PDILT: variants seen among roughly 807,000 people sequenced by gnomAD.
PDILT encodes protein disulfide-isomerase-like protein of the testis.
A neutral mutation model predicts 53.7 loss-of-function variants in PDILT; 43 were observed. That is an observed-to-expected ratio of 0.80 (90% CI 0.63 to 1.03). The LOEUF is 1.03. Among genes scored for constraint, PDILT ranks in the 50% least tolerant of loss-of-function variants. The pLI is 0.00. For synonymous variants in PDILT, 282 were observed against 274.2 expected (o/e 1.03, Z -0.28); for missense variants, 727 against 712.3 (o/e 1.02, Z -0.24).
chr16:20,384,993 G>A (rs1596592401), intron 2 of PDILT, 142 bp from the exon 3 acceptor site: 1 of 763,282 alleles, frequency 1.3e-6, no homozygotes, highest in Non-Finnish European at 2.2e-6. Context: ...AATGTGACAA[G>A]ATGTGAGACA....
chr16:20,374,709 G>T, intron 5 of PDILT, 113 bp downstream of exon 5: 1 of 1,238,796 alleles, frequency 8.1e-7, no homozygotes, highest in African/African-American at 1.5e-5. Context: ...AAGTCAACTA[G>T]TCCAATGCCA....
In PDILT at chr16:20,396,953, A is replaced by G. The variant is rs79215420; in HGVS notation, c.202+2146T>C. Among the ~76,000 whole-genome samples the G allele has an allele frequency of 9.2e-3, 1,408 of 152,302 alleles. 21 individuals carry two copies. Among genetic ancestry groups the G allele is most frequent in the African/African-American group, 0.032 (1,323 of 41,562 alleles). The stretch of plus-strand genomic sequence containing the variant: ...ATCTGAGCCCACTTTCATCACCACA[A>G]CAACCTGCAAGGGAGGAATTATTAA... On this transcript the variant is annotated intron_variant, in intron 2 of 11. Transcript: ENST00000302451.
At chr16:20,381,504 C>T (rs1966460608) in intron 3 of PDILT, among the ~76,000 whole-genome samples, 1 of 151,900 alleles carries the variant, frequency 6.6e-6, no homozygotes, top group Non-Finnish European at 1.5e-5. Context: ...GGAGTGGTGG[C>T]ACATGCCTGT....
chr16:20,400,072 A>ATATATATATATTTTT (rs753235349), intron 1 of PDILT, among the ~76,000 whole-genome samples: 1 of 137,430 alleles, frequency 7.3e-6, no homozygotes, highest in African/African-American at 2.9e-5. Flanking sequence ...ATATATATAT[A>ATATATATATATTTTT]TTTTTTGAGA....
At position 20,399,264 on chromosome 16, in the gene PDILT, C is replaced by T. The variant is rs201282101; in HGVS notation, c.37G>A (p.Ala13Thr). The T allele has an allele frequency of 1.3e-4, 217 of 1,613,912 alleles. No individual in the cohort carries two copies. The highest frequency in any genetic ancestry group is 1.6e-4 in the Non-Finnish European group (187 of 1,179,934). ...LLWMPLLLVA[A>T]CVSAVHSSPE... ...GAGCTGTGGACAGCAGAGACACAAG[C>T]GGCCACCAGCAGCAGGGGCATCCAG... The change falls in exon 2 of 12, where the codon GCT (alanine) becomes ACT (threonine). Residue 13 changes from alanine (A) to threonine (T), a missense_variant. By Grantham distance (58) the Ala-to-Thr change is moderately conservative. Coordinates refer to ENST00000302451, the MANE Select transcript of PDILT (RefSeq NM_174924.2).
At chr16:20,400,260 A>C (rs865892552) in intron 1 of PDILT, among the ~76,000 whole-genome samples, 2 of 151,926 alleles carry the variant, frequency 1.3e-5, no homozygotes, top group South Asian at 4.2e-4. Context: ...TTTTTAGTAG[A>C]GATGGGGTTC....
At chr16:20,398,267 A>G (rs1966686632) in intron 2 of PDILT, among the ~76,000 whole-genome samples, 1 of 152,080 alleles carries the variant, frequency 6.6e-6, no homozygotes, top group Admixed American at 6.6e-5. Context: ...CTGTCCCCCA[A>G]AATGTCTGCT....
intron 1 of PDILT, among the ~76,000 whole-genome samples, chr16:20,400,072 ATT>A (rs55815809): frequency 1.5e-5 from 2 of 137,494 alleles, no homozygotes; most frequent in South Asian, 4.8e-4. Context: ...ATATATATAT[ATT>A]TTTTGAGACG....
At chr16:20,375,834 T>A (rs543649456) in intron 4 of PDILT, among the ~76,000 whole-genome samples, 1 of 151,716 alleles carries the variant, frequency 6.6e-6, no homozygotes. Flanking sequence ...ATGTTCTAAA[T>A]GGACCCCTAA....
chr16:20,398,437 C>T (rs140885242), intron 2 of PDILT, among the ~76,000 whole-genome samples: 26 of 152,234 alleles, frequency 1.7e-4, no homozygotes, highest in East Asian at 1.2e-3. Flanking sequence ...GCCTGGCCTA[C>T]GTGGTGAAAC....
intron 2 of PDILT, 55 bp from the exon 3 acceptor site, chr16:20,384,906 A>G: frequency 1.3e-6 from 2 of 1,547,152 alleles, no homozygotes; most frequent in Non-Finnish European, 1.8e-6. Context: ...CCCATCTCCA[A>G]CAGTAGATTA....
At chr16:20,368,480 G>A (rs1464219801) in intron 8 of PDILT, among the ~76,000 whole-genome samples, 2 of 152,218 alleles carry the variant, frequency 1.3e-5, no homozygotes, top group East Asian at 1.9e-4. Flanking sequence ...CACAGAAAAG[G>A]CTATAGGGGC....
intron 4 of PDILT, 35 bp downstream of exon 4, chr16:20,376,033 G>T (rs756420902): frequency 1.2e-6 from 2 of 1,612,610 alleles, no homozygotes; most frequent in Non-Finnish European, 1.7e-6. Context: ...CTTCTCATCA[G>T]TTGAAAGCCT....
chr16:20,375,617 C>A (rs964747179), intron 4 of PDILT, among the ~76,000 whole-genome samples: 1 of 152,078 alleles, frequency 6.6e-6, no homozygotes, highest in African/African-American at 2.4e-5. Context: ...TATGTTCTTC[C>A]CCAAACATCT....
At position 20,386,337 on chromosome 16, in the gene PDILT, AG is replaced by A. The variant is rs1021480429; in HGVS notation, c.203-1487del. On this transcript the variant is annotated intron_variant, in intron 2 of 11. Transcript: ENST00000302451. ...TTCCTCGCTACCCCATGACTGAGGA[AG>A]GGGGGCTGAGCCAGGGCAGGGGGTC... Among the ~76,000 whole-genome samples, 3 of 152,126 alleles carry A rather than the reference AG, an allele frequency of 2.0e-5. No individual in the cohort carries two copies. The East Asian group carries it at 5.8e-4, about 29-fold the overall frequency.
intron 2 of PDILT, among the ~76,000 whole-genome samples, chr16:20,392,674 C>A (rs181704560): frequency 1.8e-4 from 28 of 152,232 alleles, no homozygotes; most frequent in South Asian, 1.5e-3. Context: ...AATTGAGTGT[C>A]CCTTTTAGAT....
Position 20,400,012 on chromosome 16 carries a change from CTCTATCTATCTATCTA to C in PDILT, c.-7-721_-7-706del, listed in dbSNP as rs777793980. Among the ~76,000 whole-genome samples the C allele has an allele frequency of 1.5e-3, 209 of 141,736 alleles. 2 individuals are homozygous for C. The highest frequency in any genetic ancestry group is 4.2e-3 in the African/African-American group (156 of 37,106). 93.0% of individuals were successfully genotyped at this position (141,736 alleles called of 152,430 possible). A position where few individuals can be genotyped will look rare whatever the true frequency, so the allele number is the denominator to read the frequency against. ...TATGTAAACATACCTTTGAATATAT[CTCTATCTATCTATCTA>C]TCTATCTATCTATCTATCTATCTAT... On this transcript the variant is annotated intron_variant, in intron 1 of 11. Transcript: ENST00000302451.
chr16:20,369,992 C>T (rs1966280144), intron 7 of PDILT, among the ~76,000 whole-genome samples: 1 of 152,170 alleles, frequency 6.6e-6, no homozygotes. Context: ...ATCATAGTGA[C>T]TATCATAGGG....
At chr16:20,399,588 C>T (rs1399718454) in intron 1 of PDILT, among the ~76,000 whole-genome samples, 2 of 152,130 alleles carry the variant, frequency 1.3e-5, no homozygotes, top group Non-Finnish European at 2.9e-5. Flanking sequence ...AGCCCACTGA[C>T]TTCCCAGCCA....
Sources: allele counts gnomAD v4.1 joint callset (sites outside exome capture counted in the v4.1 genomes callset), GRCh38; gene constraint gnomAD v4.1.1; transcripts MANE v1.5; gene names NCBI Gene and HGNC (gene_info 2026-07-23, HGNC 2026-07-21).